ARGFX: variants seen among roughly 807,000 people sequenced by gnomAD.
The protein encoded by ARGFX is arginine-fifty homeobox.
ARGFX carries 10 observed loss-of-function variants against 8.0 expected under a neutral mutation model. The ratio of observed to expected loss-of-function variants is 1.25; its 90% CI spans 0.77 to 2.12. The LOEUF is 2.12. Among genes scored for constraint, ARGFX ranks in the 30% most tolerant of loss-of-function variants. The pLI is 0.00. For missense variants in ARGFX, 282 were observed against 324.3 expected, an observed-to-expected ratio of 0.87 and a Z score of 1.00; for synonymous variants, 116 against 117.8, an observed-to-expected ratio of 0.98 and a Z score of 0.10.
At position 121,579,878 on chromosome 3, in the gene ARGFX, C is replaced by T. The variant is rs907006522; in HGVS notation, c.220+2978C>T. On this transcript the variant is annotated intron_variant, in intron 3 of 4. Transcript: ENST00000334384. Reference sequence around the variant, plus strand: ...TGCTGGGATTACAGGCATGAGCCACCGCACCTGGCCTTCCAAAATCAAATT... The same window carrying T: ...TGCTGGGATTACAGGCATGAGCCACTGCACCTGGCCTTCCAAAATCAAATT... Among the ~76,000 whole-genome samples, 7 of 151,946 alleles carry T rather than the reference C, an allele frequency of 4.6e-5. No individual in the cohort carries two copies. In the East Asian group the frequency reaches 1.2e-3, roughly 25 times the overall value.
rs1205802836 is a variant in ARGFX at position 121,586,067 on chromosome 3, C to G, written c.415C>G (p.Gln139Glu). 4 of 1,593,958 alleles carry G rather than the reference C, an allele frequency of 2.5e-6. No homozygotes were observed. Among genetic ancestry groups the G allele is most frequent in the Non-Finnish European group, 3.4e-6 (4 of 1,171,910 alleles). ...ATTCAAATTGAAGAAGCAGCAGCAG[C>G]AGCAATCAGCAAAGCAACGAAACCA... The part of the protein sequence containing the change: ...RRFKLKKQQQ[Q>E]QSAKQRNQIL... The change falls in exon 5 of 5, where the codon CAG becomes GAG. Residue 139 changes from glutamine to glutamate, a missense_variant. Gln to Glu is a conservative substitution (Grantham distance 29, BLOSUM62 2). Coordinates refer to ENST00000334384, the MANE Select transcript of ARGFX (RefSeq NM_001012659.2).
intron 3 of ARGFX, among the ~76,000 whole-genome samples, chr3:121,581,491 G>A (rs2108837999): frequency 6.6e-6 from 1 of 152,214 alleles, no homozygotes; most frequent in East Asian, 1.9e-4. Flanking sequence ...TACTTGATCT[G>A]CATTTAGATT....
chr3:121,580,606 A>ATTTTT (rs57666199), intron 3 of ARGFX, among the ~76,000 whole-genome samples: 13,942 of 114,516 alleles, frequency 0.12, 1,444 homozygotes, highest in Non-Finnish European at 0.18. Flanking sequence ...ATATATATAT[A>ATTTTT]TTTTTTTTTT....
chr3:121,576,675 CTCTTTCTTTT>C (rs1576441772), intron 2 of ARGFX, 99 bp from the exon 3 acceptor site: 2 of 320,126 alleles, frequency 6.2e-6, no homozygotes, highest in Non-Finnish European at 1.2e-5. Flanking sequence ...TTCTTTCTTT[CTCTTTCTTTT>C]TCTTTCTTTC....
At chr3:121,582,907 T>C (rs1336448719) in intron 3 of ARGFX, among the ~76,000 whole-genome samples, 1 of 152,048 alleles carries the variant, frequency 6.6e-6, no homozygotes, top group African/African-American at 2.4e-5. Context: ...GGTCTCATTA[T>C]ATTTCTCAGG....
rs2048814940 is a variant in ARGFX, at chr3:121,586,664, T to C, written c.*64T>C. 1 of 1,335,108 alleles carries C rather than the reference T, an allele frequency of 7.5e-7. No individual in the cohort carries two copies. The allele number at this position is 1,335,108 out of a possible 1,614,324, so 82.7% of individuals were successfully genotyped here. A position where few individuals can be genotyped will look rare whatever the true frequency, so the allele number is the denominator to read the frequency against. On this transcript the variant is annotated 3_prime_UTR_variant, in exon 5 of 5. Transcript: ENST00000334384. Reference sequence around the variant, plus strand: ...TCTTCTTGCCTCTTGTACATGACTGTTTTTTTCCTTTGTCTCATTTTAACC... The same window carrying C: ...TCTTCTTGCCTCTTGTACATGACTGCTTTTTTCCTTTGTCTCATTTTAACC...
chr3:121,577,226 CATATATATATATATATATAT>C lies in ARGFX; in HGVS notation c.220+341_220+360del, dbSNP rs71133554. On this transcript the variant is annotated intron_variant, in intron 3 of 4. Coordinates refer to ENST00000334384, the MANE Select transcript of ARGFX (RefSeq NM_001012659.2). The stretch of plus-strand genomic sequence containing the variant: ...GTATATATATATATATCTACATGTA[CATATATATATATATATATAT>C]ATATATATATATATTTTTTTTTTTT... Among the ~76,000 whole-genome samples, 19 of 87,136 alleles carry C rather than the reference CATATATATATATATATATAT, an allele frequency of 2.2e-4. 1 individual carries two copies. The highest frequency in any genetic ancestry group is 9.0e-4 in the African/African-American group (18 of 19,972). 57.2% of individuals were successfully genotyped at this position (87,136 alleles called of 152,430 possible).
At chr3:121,576,689 TTC>T (rs2048737943) in intron 2 of ARGFX, 93 bp from the exon 3 acceptor site, 2 of 309,252 alleles carry the variant, frequency 6.5e-6, no homozygotes, top group Non-Finnish European at 1.2e-5. Flanking sequence ...TTCTTTTTCT[TTC>T]TTTCTCTTTC....
At chr3:121,574,670 G>A (rs893453726) in intron 2 of ARGFX, among the ~76,000 whole-genome samples, 9 of 152,310 alleles carry the variant, frequency 5.9e-5, no homozygotes, top group Admixed American at 2.6e-4. Context: ...TGACTCATTC[G>A]CTGCTCACCT....
At chr3:121,583,948 G>T (rs184664127) in intron 3 of ARGFX, among the ~76,000 whole-genome samples, 1 of 152,270 alleles carries the variant, frequency 6.6e-6, no homozygotes, top group Admixed American at 6.5e-5. Flanking sequence ...GCCAAGGCAG[G>T]AGGATCACTT....
In ARGFX at chr3:121,581,385, T is replaced by C. The variant is rs557529340; in HGVS notation, c.221-3532T>C. On this transcript the variant is annotated intron_variant, in intron 3 of 4. Coordinates refer to ENST00000334384, the MANE Select transcript of ARGFX (RefSeq NM_001012659.2). Reference sequence around the variant, plus strand: ...GCAGACAAAATATAATCCAATGAGATGGTTTACATTCTTTGTTCATAGCAA... The same window carrying C: ...GCAGACAAAATATAATCCAATGAGACGGTTTACATTCTTTGTTCATAGCAA... 2.7e-4 allele frequency among the ~76,000 whole-genome samples: 41 copies of C among 152,330 alleles called. 2 individuals carry two copies. The South Asian group carries it at 7.5e-3, about 28-fold the overall frequency.
chr3:121,589,302 A>T lies in ARGFX; in HGVS notation c.*2702A>T, dbSNP rs2048832286. ...TGCTTAGAAGGAAATTTATAGCTTC[A>T]AATACTTATATACATATTTTTTAAA... On this transcript the variant is annotated 3_prime_UTR_variant, in exon 5 of 5. Transcript: ENST00000334384. Among the ~76,000 whole-genome samples, 1 of 152,240 alleles carries T rather than the reference A, an allele frequency of 6.6e-6. No individual in the cohort carries two copies.
At chr3:121,584,783 G>A (rs1316639851) in intron 3 of ARGFX, 134 bp from the exon 4 acceptor site, 3 of 1,038,892 alleles carry the variant, frequency 2.9e-6, no homozygotes, top group Non-Finnish European at 4.2e-6. Context: ...GCATTTTCTG[G>A]ATCCTAAGCC....
chr3:121,572,208 C>T (rs1374281594), intron 2 of ARGFX, among the ~76,000 whole-genome samples: 4 of 148,426 alleles, frequency 2.7e-5, no homozygotes, highest in Non-Finnish European at 5.9e-5. Flanking sequence ...CTCGCCTGGC[C>T]AGCTTTAATA....
Position 121,586,585 on chromosome 3 carries a change from C to A in ARGFX, c.933C>A (p.Asp311Glu). 1 of 1,612,960 alleles carries A rather than the reference C, an allele frequency of 6.2e-7. No individual in the cohort carries two copies. The highest frequency in any genetic ancestry group is 1.3e-5 in the African/African-American group (1 of 75,000). ...LEFQKTSNMV[D>E]LGFL ...TCCAGAAAACCTCCAATATGGTAGA[C>A]TTGGGATTTCTCTGACCAGAGTACT... The change falls in exon 5 of 5, where the codon GAC (aspartate) becomes GAA (glutamate). Residue 311 changes from aspartate (D) to glutamate (E), a missense_variant. By Grantham distance (45) the Asp-to-Glu change is conservative. Transcript: ENST00000334384.
At chr3:121,584,871 T>C in intron 3 of ARGFX, 46 bp from the exon 4 acceptor site, 3 of 1,578,758 alleles carry the variant, frequency 1.9e-6, no homozygotes, top group Non-Finnish European at 1.7e-6. Flanking sequence ...GGGGGAGAGA[T>C]TGGTAATGTA....
intron 2 of ARGFX, among the ~76,000 whole-genome samples, chr3:121,571,730 A>ATTT (rs1173636701): frequency 5.6e-5 from 6 of 107,098 alleles, no homozygotes; most frequent in African/African-American, 1.1e-4. Context: ...TGCCCGGCAA[A>ATTT]TTTTTTTTTT....
intron 1 of ARGFX, among the ~76,000 whole-genome samples, chr3:121,569,154 AG>A (rs2048691791): frequency 6.6e-6 from 1 of 152,206 alleles, no homozygotes; most frequent in African/African-American, 2.4e-5. Context: ...GCTTAATGGA[AG>A]ATGGCAGAAT....
intron 3 of ARGFX, among the ~76,000 whole-genome samples, chr3:121,584,204 G>T (rs952743772): frequency 9.6e-6 from 1 of 104,266 alleles, no homozygotes; most frequent in Non-Finnish European, 1.9e-5. Flanking sequence ...GACAGAGAGA[G>T]AGGAAGGAAG....
Sources: gnomAD v4.1 joint callset for allele counts (sites outside exome capture counted in the v4.1 genomes callset) on GRCh38, gnomAD v4.1.1 for gene constraint, MANE v1.5 for transcripts, NCBI Gene and HGNC (gene_info 2026-07-23, HGNC 2026-07-21) for gene names.